The following DNAH12 variants were observed in gnomAD, a reference collection of about 807,000 sequenced individuals.
DNAH12 encodes axonemal beta dynein heavy chain 12.
A neutral mutation model predicts 371.5 loss-of-function variants in DNAH12; 285 were observed. The observed-to-expected ratio is 0.77, with a 90% CI of 0.70 to 0.85. DNAH12 has a LOEUF of 0.85. Among genes scored for constraint, DNAH12 ranks in the 40% least tolerant of loss-of-function variants. DNAH12 has a pLI of 0.00. For synonymous variants in DNAH12, 1,200 were observed against 1,213.0 expected (o/e 0.99, Z 0.22); for missense variants, 3,611 against 3,689.4 (o/e 0.98, Z 0.55).
chr3:57,361,394 TACGCACTATATATATATACAC>T (rs1207748637), intron 58 of DNAH12, among the ~76,000 whole-genome samples: 2 of 143,290 alleles, frequency 1.4e-5, no homozygotes, highest in Non-Finnish European at 3.0e-5. Context: ...TATATATACA[TACGCACTATATATATATACAC>T]ACACACTATA....
chr3:57,302,572 T>A (rs1183430829), intron 69 of DNAH12, among the ~76,000 whole-genome samples: 9 of 92,426 alleles, frequency 9.7e-5, no homozygotes, highest in African/African-American at 3.7e-4. Context: ...TATGTATTTT[T>A]TTTTTTTTTT....
chr3:57,297,501 G>A (rs1263417730), intron 70 of DNAH12, among the ~76,000 whole-genome samples: 4 of 151,846 alleles, frequency 2.6e-5, no homozygotes, highest in African/African-American at 4.8e-5. Flanking sequence ...GATTACAGGC[G>A]TGCACCACCA....
At chr3:57,351,296 A>T (rs2062669049) in intron 60 of DNAH12, among the ~76,000 whole-genome samples, 1 of 150,014 alleles carries the variant, frequency 6.7e-6, no homozygotes, top group Admixed American at 6.6e-5. Context: ...ACAAACAAAA[A>T]ACCAACAAAA....
At chr3:57,451,201 A>G (rs754028957) in intron 25 of DNAH12, among the ~76,000 whole-genome samples, 5 of 152,240 alleles carry the variant, frequency 3.3e-5, no homozygotes, top group Non-Finnish European at 7.3e-5. Context: ...CTGCTTTAAG[A>G]TAACTCATTC....
intron 13 of DNAH12, among the ~76,000 whole-genome samples, 196 bp from the exon 14 acceptor site, chr3:57,472,867 A>G (rs1263064986): frequency 6.6e-6 from 1 of 152,196 alleles, no homozygotes; most frequent in Non-Finnish European, 1.5e-5. Context: ...TTCATGCCAC[A>G]TAATTGTATA....
At position 57,310,843 on chromosome 3, in the gene DNAH12, T is replaced by C. The variant is rs1190375965; in HGVS notation, c.10770A>G (p.Leu3590=). The C allele has an allele frequency of 1.1e-5, 17 of 1,551,550 alleles. No homozygotes were observed. Among genetic ancestry groups the C allele is most frequent in the Non-Finnish European group, 1.3e-5 (15 of 1,146,958 alleles). The change falls in exon 67 of 74, where the codon CTA becomes CTG. Residue 3590 remains leucine, a synonymous_variant. Coordinates refer to ENST00000495027, the MANE Select transcript of DNAH12 (RefSeq NM_001366028.2). ...RVTDDWDRRL[L]LTMLADFYNL... ...TATAAAAGTCAGCCAGCATGGTTAA[T>C]AGAAGACGTCTGTCCCAATCGTCTG...
In DNAH12 at chr3:57,468,809, A is replaced by G. The variant is rs1327402758; in HGVS notation, c.2276T>C (p.Ile759Thr). The G allele has an allele frequency of 1.3e-6, 2 of 1,535,300 alleles. No individual in the cohort carries two copies. The highest frequency in any genetic ancestry group is 1.2e-5 in the South Asian group (1 of 80,848). ...AGCATTGTCTTTTGGTTCTTCTTCA[A>G]TTTTCTCTTCTTCCAAAGACCGTTT... The part of the protein sequence containing the change: ...ARKRSLEEEK[I>T]EEEPKDNATI... Residue 759 changes from isoleucine (I) to threonine (T), a missense_variant, in exon 17 of 74, where the codon ATT (isoleucine) becomes ACT (threonine). By Grantham distance (89) the Ile-to-Thr change is moderately conservative. Coordinates refer to ENST00000495027, the MANE Select transcript of DNAH12 (RefSeq NM_001366028.2).
intron 29 of DNAH12, among the ~76,000 whole-genome samples, chr3:57,438,504 AC>A (rs1228838994): frequency 6.6e-6 from 1 of 152,204 alleles, no homozygotes; most frequent in African/African-American, 2.4e-5. Context: ...GTCTTCTCTG[AC>A]AATATGATGC....
intron 57 of DNAH12, among the ~76,000 whole-genome samples, chr3:57,364,097 A>G (rs2062995867): frequency 6.6e-6 from 1 of 152,136 alleles, no homozygotes; most frequent in Non-Finnish European, 1.5e-5. Flanking sequence ...CTTCTTATCT[A>G]TTTCTTGATT....
chr3:57,312,556 G>T (rs1029405708), intron 66 of DNAH12, among the ~76,000 whole-genome samples: 1 of 152,170 alleles, frequency 6.6e-6, no homozygotes, highest in African/African-American at 2.4e-5. Context: ...CATCTTTCCA[G>T]TTTCTGAAGA....
Position 57,363,761 on chromosome 3 carries a change from C to T in DNAH12, c.9193G>A (p.Ala3065Thr), listed in dbSNP as rs1237343218. 6.6e-6 allele frequency: 1 copy of T among 152,086 alleles called. No individual in the cohort carries two copies. Among genetic ancestry groups the T allele is most frequent in the Non-Finnish European group, 1.5e-5 (1 of 67,992 alleles). The allele number at this position is 152,086 out of a possible 1,614,324, so 9.4% of individuals were successfully genotyped here. A position where few individuals can be genotyped will look rare whatever the true frequency, so the allele number is the denominator to read the frequency against. ...TTAGCTGCAGACTGAAGAATCAGGG[C>T]ATTTCGTTCCTCTTCTAATTCTGGT... The part of the protein sequence containing the change: ...ERPELEEERN[A>T]LILQSAANKK... The change falls in exon 58 of 74, where the codon GCC becomes ACC. Residue 3065 changes from alanine (A) to threonine (T), a missense_variant. Coordinates refer to ENST00000495027, the MANE Select transcript of DNAH12 (RefSeq NM_001366028.2).
intron 59 of DNAH12, among the ~76,000 whole-genome samples, chr3:57,356,456 T>C (rs1181867064): frequency 7.4e-6 from 1 of 135,756 alleles, no homozygotes; most frequent in Non-Finnish European, 1.6e-5. Flanking sequence ...AATAAATAAA[T>C]AAATAAATAA....
intron 11 of DNAH12, among the ~76,000 whole-genome samples, chr3:57,491,850 A>G (rs1036770341): frequency 1.3e-5 from 2 of 152,166 alleles, no homozygotes; most frequent in African/African-American, 4.8e-5. Context: ...TACAAAAAAT[A>G]CAAAAATTAG....
chr3:57,305,389 A>G (rs1245368640), intron 69 of DNAH12, among the ~76,000 whole-genome samples: 2 of 151,632 alleles, frequency 1.3e-5, no homozygotes, highest in African/African-American at 2.4e-5. Context: ...ATTCTTCCTC[A>G]GCCTCCGCTC....
In DNAH12 at chr3:57,502,308, G is replaced by C. The variant is rs745951895; in HGVS notation, c.1243+15C>G. ...GTGATGACAAATGGTATAATATTAT[G>C]TATGTCATACACACCATATGTCTCA... On this transcript the variant is annotated intron_variant, in intron 10 of 73. Transcript: ENST00000495027. 19 of 1,612,882 alleles carry C rather than the reference G, an allele frequency of 1.2e-5. No individual in the cohort carries two copies.
In DNAH12 at chr3:57,309,140, T is replaced by C; in HGVS notation, c.11189+11A>G. On this transcript the variant is annotated intron_variant, in intron 69 of 73. Coordinates refer to ENST00000495027, the MANE Select transcript of DNAH12 (RefSeq NM_001366028.2). The stretch of plus-strand genomic sequence containing the variant: ...GTTGCCTTCTGAATCACTGGGGATA[T>C]AGATCCTTACTTGTTAAATCTTTCC... The C allele has an allele frequency of 6.6e-7, 1 of 1,512,618 alleles. No homozygotes were observed. The highest frequency in any genetic ancestry group is 8.9e-7 in the Non-Finnish European group (1 of 1,122,550). The allele number at this position is 1,512,618 out of a possible 1,614,324, so 93.7% of individuals were successfully genotyped here. A position where few individuals can be genotyped will look rare whatever the true frequency, so the allele number is the denominator to read the frequency against.
rs1211815764 is a variant in DNAH12, at chr3:57,389,798, A to ATGTGTGTGTGTGTGTGTGTGTG, written c.7305+2052_7305+2073dup. Among the ~76,000 whole-genome samples, 171 of 92,452 alleles carry ATGTGTGTGTGTGTGTGTGTGTG rather than the reference A, an allele frequency of 1.8e-3. 2 individuals carry two copies. The highest frequency in any genetic ancestry group is 0.01 in the East Asian group (22 of 2,144). 60.7% of individuals were successfully genotyped at this position (92,452 alleles called of 152,430 possible). A position where few individuals can be genotyped will look rare whatever the true frequency, so the allele number is the denominator to read the frequency against. The stretch of plus-strand genomic sequence containing the variant: ...TATACATATAAATATATATACACAT[A>ATGTGTGTGTGTGTGTGTGTGTG]TGTGTGTGTGTGTGTGTGTGTGTGT... On this transcript the variant is annotated intron_variant, in intron 45 of 73. Coordinates refer to ENST00000495027, the MANE Select transcript of DNAH12 (RefSeq NM_001366028.2).
At chr3:57,490,222 T>C (rs544466342) in intron 11 of DNAH12, among the ~76,000 whole-genome samples, 114 of 152,204 alleles carry the variant, frequency 7.5e-4, no homozygotes, top group African/African-American at 2.6e-3. Context: ...TCCCAGCTAC[T>C]GTTAGGAGGC....
At chr3:57,329,096 T>C (rs1399233136) in intron 62 of DNAH12, among the ~76,000 whole-genome samples, 1 of 149,030 alleles carries the variant, frequency 6.7e-6, no homozygotes, top group African/African-American at 2.5e-5. Context: ...TCCATGCTCA[T>C]GGGTAGGAAG....
Sources: allele counts gnomAD v4.1 joint callset (sites outside exome capture counted in the v4.1 genomes callset), GRCh38; gene constraint gnomAD v4.1.1; transcripts MANE v1.5; gene names NCBI Gene and HGNC (gene_info 2026-07-23, HGNC 2026-07-21).